Variants in SPATA21 observed in about 807,000 individuals in gnomAD.
SPATA21 encodes the protein spermatogenesis associated 21.
In SPATA21, 47 loss-of-function variants were observed where a neutral mutation model predicts 54.8. The ratio of observed to expected loss-of-function variants is 0.86; its 90% CI spans 0.68 to 1.09. The LOEUF (loss-of-function observed/expected upper bound fraction) is 1.09, where lower values mean the gene tolerates loss of function less well. Among genes scored for constraint, SPATA21 ranks in the 50% least tolerant of loss-of-function variants. SPATA21 has a pLI of 0.00. For missense variants in SPATA21, 599 were observed against 596.4 expected (o/e 1.00, Z -0.05); for synonymous variants, 245 against 235.3 (o/e 1.04, Z -0.38).
intron 3 of SPATA21, among the ~76,000 whole-genome samples, chr1:16,423,029 T>A (rs541534848): frequency 2.0e-5 from 3 of 151,608 alleles, no homozygotes; most frequent in Admixed American, 6.6e-5. Flanking sequence ...TGGTGGCTCA[T>A]GTCTGTAATC....
intron 5 of SPATA21, among the ~76,000 whole-genome samples, chr1:16,414,893 CAAAAA>C (rs528947922): frequency 1.3e-4 from 10 of 74,344 alleles, no homozygotes; most frequent in Admixed American, 3.6e-4. Context: ...AACCTCATCT[CAAAAA>C]AAAAAAAAAA....
chr1:16,430,311 T>C (rs1012352239), intron 3 of SPATA21, among the ~76,000 whole-genome samples: 1 of 150,980 alleles, frequency 6.6e-6, no homozygotes, highest in African/African-American at 2.4e-5. Flanking sequence ...GCCACGCCTA[T>C]AGTTCCAGCT....
At chr1:16,404,696 A>G (rs78741127) in intron 8 of SPATA21, among the ~76,000 whole-genome samples, 12,049 of 152,178 alleles carry the variant, frequency 0.079, 647 homozygotes, top group Non-Finnish European at 0.12. Context: ...TATAGCCCCA[A>G]TTACTCAGGA....
intron 8 of SPATA21, 71 bp from the exon 9 acceptor site, chr1:16,404,110 G>A: frequency 1.5e-6 from 2 of 1,293,810 alleles, no homozygotes; most frequent in Admixed American, 4.0e-5. Flanking sequence ...CCCAGGCGTG[G>A]TTATTAGAAG....
intron 5 of SPATA21, 35 bp from the exon 6 acceptor site, chr1:16,410,078 G>A: frequency 6.8e-7 from 1 of 1,478,284 alleles, no homozygotes; most frequent in Non-Finnish European, 9.1e-7. Context: ...GAGGCCTCTA[G>A]TGGGCCAGAG....
chr1:16,416,872 A>G (rs1289102702), intron 5 of SPATA21, among the ~76,000 whole-genome samples: 1 of 152,130 alleles, frequency 6.6e-6, no homozygotes, highest in East Asian at 1.9e-4. Context: ...TCCCTCAGCA[A>G]GTGCGGCACA....
In SPATA21 at chr1:16,409,310, T is replaced by C. The variant is rs2085753820; in HGVS notation, c.588-107A>G. ...GCAGGAGGAGGTCGTGGGGGAGGCT[T>C]TGGGGAGCCCGGAGAGATCAAGAAT... On this transcript the variant is annotated intron_variant, in intron 6 of 12. Transcript: ENST00000335496. The surrounding 1 kb of genome is among the most constrained non-coding windows in gnomAD (Gnocchi z 4.1). The C allele has an allele frequency of 8.2e-7, 1 of 1,223,706 alleles. No individual in the cohort carries two copies. Among genetic ancestry groups the C allele is most frequent in the South Asian group, 1.3e-5 (1 of 78,876 alleles). 75.8% of individuals were successfully genotyped at this position (1,223,706 alleles called of 1,614,324 possible).
intron 1 of SPATA21, among the ~76,000 whole-genome samples, chr1:16,436,835 C>T (rs1289152746): frequency 6.6e-6 from 1 of 151,006 alleles, no homozygotes; most frequent in Non-Finnish European, 1.5e-5. Flanking sequence ...TAGCCAAATA[C>T]CACCTGTACC....
At chr1:16,419,176 T>C (rs2086102004) in intron 5 of SPATA21, among the ~76,000 whole-genome samples, 1 of 152,054 alleles carries the variant, frequency 6.6e-6, no homozygotes. Context: ...GATGTCGAAA[T>C]TGAAAGTGAA....
At chr1:16,423,562 G>A (rs75071285) in intron 3 of SPATA21, among the ~76,000 whole-genome samples, 1 of 63,560 alleles carries the variant, frequency 1.6e-5, no homozygotes, top group Non-Finnish European at 3.2e-5. Flanking sequence ...TTTTTTTTTG[G>A]AGACAGAGTC....
Position 16,421,850 on chromosome 1 carries a change from T to A in SPATA21, c.95+61A>T. On this transcript the variant is annotated intron_variant, in intron 4 of 12. Transcript: ENST00000335496. The surrounding 1 kb of genome is among the most constrained non-coding windows in gnomAD (Gnocchi z 5.2). The stretch of plus-strand genomic sequence containing the variant: ...AGTCTGGACTAGAATTCACCCCACC[T>A]GAAACTCAGCAGAAGAGCATCCTTG... 1 of 1,612,958 alleles carries A rather than the reference T, an allele frequency of 6.2e-7. No individual in the cohort carries two copies. The highest frequency in any genetic ancestry group is 8.5e-7 in the Non-Finnish European group (1 of 1,179,014).
At chr1:16,416,270 G>C (rs2086003506) in intron 5 of SPATA21, among the ~76,000 whole-genome samples, 1 of 152,162 alleles carries the variant, frequency 6.6e-6, no homozygotes, top group Admixed American at 6.5e-5. Context: ...AAGTGCTAAG[G>C]CCAAATGCTT....
intron 1 of SPATA21, among the ~76,000 whole-genome samples, chr1:16,435,066 A>G (rs1185163532): frequency 6.6e-6 from 1 of 152,098 alleles, no homozygotes; most frequent in Non-Finnish European, 1.5e-5. Flanking sequence ...TATGTTGTCC[A>G]GGCTGGTCTT....
At chr1:16,417,622 G>GTT (rs200962566) in intron 5 of SPATA21, among the ~76,000 whole-genome samples, 1 of 151,680 alleles carries the variant, frequency 6.6e-6, no homozygotes, top group Non-Finnish European at 1.5e-5. Flanking sequence ...TAGAGACGGG[G>GTT]TTTTTTTTCC....
intron 3 of SPATA21, among the ~76,000 whole-genome samples, chr1:16,424,217 G>GCGGGTGGATCACGAGGT (rs1214509690): frequency 8.9e-6 from 1 of 111,938 alleles, no homozygotes; most frequent in African/African-American, 3.5e-5. Flanking sequence ...GGAGGCTGAG[G>GCGGGTGGATCACGAGGT]CAGGAGAATG....
intron 5 of SPATA21, among the ~76,000 whole-genome samples, chr1:16,418,649 C>T (rs2086084892): frequency 6.7e-6 from 1 of 148,592 alleles, no homozygotes; most frequent in East Asian, 2.0e-4. Context: ...CTCACTGCAT[C>T]CTCTGCCTCA....
At chr1:16,422,249 A>G (rs1187051875) in intron 3 of SPATA21, 3 of 1,381,434 alleles carry the variant, frequency 2.2e-6, no homozygotes, top group African/African-American at 1.5e-5. Flanking sequence ...TCCCAGGTGA[A>G]CCTCAATGCT....
At chr1:16,398,578 C>T (rs1375381049), downstream of SPATA21, 1 of 648,354 alleles carries the variant, frequency 1.5e-6, no homozygotes, top group Non-Finnish European at 2.7e-6. Flanking sequence ...GAACCCTGCA[C>T]TCTGAGAGCC....
At chr1:16,429,917 C>T (rs1340921712) in intron 3 of SPATA21, among the ~76,000 whole-genome samples, 2 of 150,730 alleles carry the variant, frequency 1.3e-5, no homozygotes, top group Non-Finnish European at 3.0e-5. Flanking sequence ...GTAATCCTAA[C>T]ATTTTGGGAG....
Sources: gnomAD v4.1 joint callset for allele counts (sites outside exome capture counted in the v4.1 genomes callset) on GRCh38, gnomAD v4.1.1 for gene constraint, Gnocchi (gnomAD v3.1) non-coding constraint, MANE v1.5 for transcripts, NCBI Gene and HGNC (gene_info 2026-07-23, HGNC 2026-07-21) for gene names.